CTNNA3: variants seen among roughly 807,000 people sequenced by gnomAD.
CTNNA3 encodes the protein catenin alpha-3.
Under a neutral mutation model 95.7 loss-of-function variants are expected in CTNNA3, and 76 were observed. The ratio of observed to expected loss-of-function variants is 0.79; its 90% CI spans 0.66 to 0.96. The LOEUF is 0.96. CTNNA3 is among the 40% of genes least tolerant of loss of function. The pLI, the probability that CTNNA3 is intolerant of heterozygous loss-of-function variation, is 0.00. For missense variants in CTNNA3, 1,191 were observed against 1,089.8 expected, an observed-to-expected ratio of 1.09 and a Z score of -1.31; for synonymous variants, 431 against 374.4, an observed-to-expected ratio of 1.15 and a Z score of -1.74.
Position 66,713,666 on chromosome 10 carries a change from G to GAGTAACCC in CTNNA3, c.1281+52590_1281+52597dup, listed in dbSNP as rs371592304. On this transcript the variant is annotated intron_variant, in intron 9 of 17. Transcript: ENST00000433211. ...TGCTGTTATGTCTGGACTGAACTCA[G>GAGTAACCC]AGTAACCCAGAATCTTCCTCATACA... is the stretch of plus-strand genomic sequence containing the variant. 2.9e-3 allele frequency among the ~76,000 whole-genome samples: 445 copies of GAGTAACCC among 152,134 alleles called. 1 individual carries two copies. Among genetic ancestry groups the GAGTAACCC allele is most frequent in the Middle Eastern group, 0.02 (6 of 294 alleles).
intron 12 of CTNNA3, among the ~76,000 whole-genome samples, chr10:66,316,251 C>A (rs2092098390): frequency 6.6e-6 from 1 of 151,932 alleles, no homozygotes; most frequent in Non-Finnish European, 1.5e-5. Context: ...AATAAATATT[C>A]GCAAAAGTGA....
At chr10:67,031,219 A>G (rs1341056307) in intron 7 of CTNNA3, among the ~76,000 whole-genome samples, 1 of 152,224 alleles carries the variant, frequency 6.6e-6, no homozygotes, top group African/African-American at 2.4e-5. Context: ...GTCTATATAT[A>G]ACAATACATT....
intron 2 of CTNNA3, among the ~76,000 whole-genome samples, chr10:67,621,619 C>A (rs1463089413): frequency 6.6e-6 from 1 of 152,058 alleles, no homozygotes; most frequent in Middle Eastern, 3.4e-3. Context: ...CATGATGGTG[C>A]ACGCCTGTAG....
intron 7 of CTNNA3, among the ~76,000 whole-genome samples, chr10:67,009,254 T>C (rs764469886): frequency 6.6e-6 from 1 of 152,252 alleles, no homozygotes; most frequent in Middle Eastern, 3.4e-3. Flanking sequence ...ATCCCTTTTT[T>C]TTCTTTTCCA....
intron 2 of CTNNA3, among the ~76,000 whole-genome samples, chr10:67,627,421 T>C (rs1339731830): frequency 2.0e-5 from 3 of 152,176 alleles, no homozygotes; most frequent in Non-Finnish European, 4.4e-5. Context: ...TTAGTTAAGA[T>C]AAAATTAGCT....
chr10:66,567,921 C>G (rs1310185137), intron 10 of CTNNA3, among the ~76,000 whole-genome samples: 28 of 152,170 alleles, frequency 1.8e-4, no homozygotes, highest in Admixed American at 1.8e-3. Context: ...ACTCTGGGTC[C>G]TGAAAATGTT....
chr10:67,302,695 C>T (rs1840375704), intron 5 of CTNNA3, among the ~76,000 whole-genome samples: 2 of 152,190 alleles, frequency 1.3e-5, no homozygotes, highest in South Asian at 4.1e-4. Context: ...TATGCCACCT[C>T]CTGCCATAAA....
At chr10:66,131,053 A>G (rs867263536) in intron 13 of CTNNA3, among the ~76,000 whole-genome samples, 3 of 145,854 alleles carry the variant, frequency 2.1e-5, no homozygotes, top group Middle Eastern at 3.5e-3. Flanking sequence ...TGAATCAGTA[A>G]TAAATTGCCT....
chr10:67,512,310 A>T (rs545212481), intron 5 of CTNNA3, among the ~76,000 whole-genome samples: 54 of 152,290 alleles, frequency 3.5e-4, no homozygotes, highest in African/African-American at 1.2e-3. Flanking sequence ...AGCCACTATG[A>T]ACAGTAGTAT....
At chr10:67,538,156 C>CAAAAAAAA (rs1840543268) in intron 4 of CTNNA3, among the ~76,000 whole-genome samples, 2 of 23,146 alleles carry the variant, frequency 8.6e-5, no homozygotes, top group African/African-American at 5.6e-4. Context: ...GCTACTTAAA[C>CAAAAAAAA]TAAAAAAAAA....
At chr10:66,296,190 A>G (rs1327289447) in intron 12 of CTNNA3, among the ~76,000 whole-genome samples, 1 of 152,138 alleles carries the variant, frequency 6.6e-6, no homozygotes, top group Non-Finnish European at 1.5e-5. Flanking sequence ...AAATTAGCCT[A>G]TTATTAAAAC....
intron 9 of CTNNA3, among the ~76,000 whole-genome samples, chr10:66,662,211 A>C (rs1228510190): frequency 6.6e-6 from 1 of 152,198 alleles, no homozygotes; most frequent in Non-Finnish European, 1.5e-5. Context: ...CTGCTGCTAA[A>C]TTAACTTTTC....
chr10:67,207,177 C>A lies in CTNNA3; in HGVS notation c.843+12430G>T, dbSNP rs371639358. Among the ~76,000 whole-genome samples the A allele has an allele frequency of 8.8e-4, 134 of 152,146 alleles. 3 individuals carry two copies. The South Asian group carries it at 0.027, about 30-fold the overall frequency. ...TTGTAATGCATAAAAATAACAGATA[C>A]AATTTTAAATGGAAATCAATTCCAT... On this transcript the variant is annotated intron_variant, in intron 6 of 17. Transcript: ENST00000433211.
At chr10:66,132,851 G>T (rs746401361) in intron 13 of CTNNA3, among the ~76,000 whole-genome samples, 1 of 152,024 alleles carries the variant, frequency 6.6e-6, no homozygotes, top group Non-Finnish European at 1.5e-5. Flanking sequence ...TAAATGATGA[G>T]AACTCATGGA....
chr10:67,484,120 C>T (rs1263257624), intron 5 of CTNNA3, among the ~76,000 whole-genome samples: 1 of 152,100 alleles, frequency 6.6e-6, no homozygotes, highest in Admixed American at 6.6e-5. Flanking sequence ...GGTATTTGTA[C>T]AAAAACAGTC....
intron 3 of CTNNA3, among the ~76,000 whole-genome samples, chr10:67,566,015 A>G (rs1841757775): frequency 1.0e-5 from 1 of 96,254 alleles, no homozygotes; most frequent in African/African-American, 4.4e-5. Context: ...ATACACACAC[A>G]AACACACACA....
intron 11 of CTNNA3, among the ~76,000 whole-genome samples, chr10:66,492,807 T>C (rs979346105): frequency 7.2e-5 from 11 of 152,166 alleles, no homozygotes; most frequent in Non-Finnish European, 1.2e-4. Flanking sequence ...GGGCTTTGAT[T>C]CCCTTAAGCA....
At chr10:66,349,033 G>A (rs1015102323) in intron 12 of CTNNA3, among the ~76,000 whole-genome samples, 14 of 152,078 alleles carry the variant, frequency 9.2e-5, no homozygotes, top group East Asian at 3.9e-4. Flanking sequence ...AACAGAAAAC[G>A]GAAAAGTTGA....
intron 5 of CTNNA3, among the ~76,000 whole-genome samples, chr10:67,377,846 A>G (rs866555982): frequency 2.0e-5 from 3 of 152,226 alleles, no homozygotes; most frequent in African/African-American, 7.2e-5. Flanking sequence ...GTCATCCTAC[A>G]GTGCTAGAGA....
Sources: gnomAD v4.1 joint callset for allele counts (sites outside exome capture counted in the v4.1 genomes callset) on GRCh38, gnomAD v4.1.1 for gene constraint, MANE v1.5 for transcripts, NCBI Gene and HGNC (gene_info 2026-07-23, HGNC 2026-07-21) for gene names.